The following GIGYF2 variants were observed in gnomAD, a reference collection of about 807,000 sequenced individuals.
GIGYF2 encodes GRB10 interacting GYF protein 2.
Under a neutral mutation model 208.1 loss-of-function variants are expected in GIGYF2, and 25 were observed. The ratio of observed to expected loss-of-function variants is 0.12; its 90% CI spans 0.09 to 0.17. GIGYF2 has a LOEUF of 0.17. GIGYF2 is among the 10% of genes least tolerant of loss of function. The pLI, the probability that GIGYF2 is intolerant of heterozygous loss-of-function variation, is 1.00. For synonymous variants in GIGYF2, 534 were observed against 543.8 expected, an observed-to-expected ratio of 0.98 and a Z score of 0.25; for missense variants, 1,302 against 1,579.4, an observed-to-expected ratio of 0.82 and a Z score of 2.98.
Position 232,815,714 on chromosome 2 carries a change from C to A in GIGYF2, c.2185C>A (p.Leu729Ile). Residue 729 changes from leucine to isoleucine, a missense_variant, in exon 19 of 29, where the codon CTA (leucine) becomes ATA (isoleucine). Physicochemically the swap from Leu to Ile is conservative, Grantham distance 5. Coordinates refer to ENST00000373563, the MANE Select transcript of GIGYF2 (RefSeq NM_001103146.3). ...CCCTGCCCTGGAACAGCTTCAGCAG[C>A]TAGAGAAGGCCAAAGCTGCAAAGGT... ...PGPALEQLQQ[L>I]EKAKAAKLEQ... 6.3e-7 allele frequency: 1 copy of A among 1,597,216 alleles called. No homozygotes were observed. Among genetic ancestry groups the A allele is most frequent in the African/African-American group, 1.3e-5 (1 of 74,670 alleles).
intron 7 of GIGYF2, 144 bp from the exon 8 acceptor site, chr2:232,761,252 C>T (rs578166745): frequency 9.1e-5 from 54 of 594,796 alleles, no homozygotes; most frequent in South Asian, 7.8e-4. Context: ...TCTATATTTT[C>T]GAAATATTAG....
At chr2:232,739,093 T>C (rs1199728158) in intron 3 of GIGYF2, among the ~76,000 whole-genome samples, 1 of 150,230 alleles carries the variant, frequency 6.7e-6, no homozygotes, top group Non-Finnish European at 1.5e-5. Flanking sequence ...GCGTGGTGGC[T>C]CATGCCTGTA....
rs529321468 is a variant in GIGYF2, at chr2:232,762,400, G to A, written c.532+964G>A. 2.6e-5 allele frequency among the ~76,000 whole-genome samples: 4 copies of A among 151,648 alleles called. No individual in the cohort carries two copies. In the East Asian group the frequency reaches 5.9e-4, roughly 22 times the overall value. The stretch of plus-strand genomic sequence containing the variant: ...CCCGAGTAGTTGGGACTACAGGTGC[G>A]TGCCACCACACCTGGCTAATTTTTG... On this transcript the variant is annotated intron_variant, in intron 8 of 28. Coordinates refer to ENST00000373563, the MANE Select transcript of GIGYF2 (RefSeq NM_001103146.3).
intron 28 of GIGYF2, among the ~76,000 whole-genome samples, chr2:232,855,274 G>A (rs767005968): frequency 1.1e-4 from 16 of 152,100 alleles, no homozygotes; most frequent in African/African-American, 3.4e-4. Context: ...TTTGAGTAGC[G>A]ACAGGTTTTT....
At chr2:232,763,359 C>G (rs1698822192) in intron 8 of GIGYF2, among the ~76,000 whole-genome samples, 1 of 152,088 alleles carries the variant, frequency 6.6e-6, no homozygotes, top group Non-Finnish European at 1.5e-5. Flanking sequence ...AGATACATTT[C>G]AAGACCCCCA....
At position 232,847,350 on chromosome 2, in the gene GIGYF2, C is replaced by G. The variant is rs200216092; in HGVS notation, c.3463C>G (p.Pro1155Ala). Residue 1155 changes from proline (P) to alanine (A), a missense_variant and splice_region_variant, in exon 27 of 29, where the codon CCC becomes GCC. Physicochemically the swap from Pro to Ala is conservative, Grantham distance 27 (BLOSUM62 -1). This residue lies in a region of GIGYF2 where 701 missense variants were observed against 793.0 expected (regional missense o/e 0.88). Coordinates refer to ENST00000373563, the MANE Select transcript of GIGYF2 (RefSeq NM_001103146.3). ...TCTTCTCCCCTCCCGTTTTGCAGTT[C>G]CCACATTTGTTTCTTTCCTGAAAGA... The part of the protein sequence containing the change: ...ALNTANNLDV[P>A]TFVSFLKEVE... 1.2e-6 allele frequency: 2 copies of G among 1,610,764 alleles called. No individual in the cohort carries two copies. Among genetic ancestry groups the G allele is most frequent in the Admixed American group, 1.7e-5 (1 of 60,002 alleles).
intron 2 of GIGYF2, among the ~76,000 whole-genome samples, chr2:232,713,919 C>T (rs183004652): frequency 6.6e-6 from 1 of 151,670 alleles, no homozygotes; most frequent in African/African-American, 2.4e-5. Context: ...GTTATTCCCC[C>T]TGGTGCCCTT....
chr2:232,703,384 G>A (rs1203806886), intron 1 of GIGYF2, 40 bp from the exon 2 acceptor site: 1 of 152,578 alleles, frequency 6.6e-6, no homozygotes, highest in Non-Finnish European at 1.5e-5. Flanking sequence ...TTCCTAAGAG[G>A]TTGCTGGGTG....
At chr2:232,727,354 C>T (rs185555385) in intron 2 of GIGYF2, among the ~76,000 whole-genome samples, 3 of 152,298 alleles carry the variant, frequency 2.0e-5, no homozygotes, top group African/African-American at 7.2e-5. Flanking sequence ...AATTGCCTGT[C>T]TCAGAATAAG....
rs758019417 is a variant in GIGYF2, at chr2:232,844,171, C to T, written c.3015C>T (p.Ile1005=). The T allele has an allele frequency of 3.6e-5, 57 of 1,564,548 alleles. No homozygotes were observed. The highest frequency in any genetic ancestry group is 4.5e-5 in the Non-Finnish European group (52 of 1,153,006). Residue 1005 remains isoleucine (I), a synonymous_variant, in exon 24 of 29, where the codon ATC becomes ATT. Transcript: ENST00000373563. ...GTACCACGAAATCTCTTCTGGAGAT[C>T]CAGCAGGAAGAGGCCAGGCAAATGC... The part of the protein sequence containing the change: ...PSGTTKSLLE[I]QQEEARQMQK...
intron 2 of GIGYF2, among the ~76,000 whole-genome samples, chr2:232,723,077 G>T (rs995665183): frequency 6.6e-6 from 1 of 152,050 alleles, no homozygotes; most frequent in African/African-American, 2.4e-5. Flanking sequence ...CTACCTCAGC[G>T]TCAGTGCTGG....
At chr2:232,856,147 A>G (rs567726587) in intron 28 of GIGYF2, among the ~76,000 whole-genome samples, 1 of 151,952 alleles carries the variant, frequency 6.6e-6, no homozygotes, top group African/African-American at 2.4e-5. Context: ...GTTAGCCAGG[A>G]TGGTCTCGAT....
chr2:232,711,733 A>G lies in GIGYF2; in HGVS notation c.-44+8244A>G, dbSNP rs529957103. Among the ~76,000 whole-genome samples, 866 of 145,668 alleles carry G rather than the reference A, an allele frequency of 5.9e-3. 14 individuals are homozygous for G. The highest frequency in any genetic ancestry group is 8.3e-3 in the Non-Finnish European group (549 of 66,118). ...TATATATATATATATATATAGTTGT[A>G]ATAGAATTTCAATAGCTTTTACAGA... On this transcript the variant is annotated intron_variant, in intron 2 of 28. Transcript: ENST00000373563.
intron 7 of GIGYF2, 58 bp from the exon 8 acceptor site, chr2:232,761,338 A>C (rs1559410150): frequency 7.4e-6 from 8 of 1,084,838 alleles, no homozygotes; most frequent in Non-Finnish European, 1.1e-5. Context: ...TGAGTGTCAC[A>C]GATAGGAAAT....
chr2:232,814,683 T>C (rs1700857956), intron 18 of GIGYF2, among the ~76,000 whole-genome samples: 1 of 151,826 alleles, frequency 6.6e-6, no homozygotes, highest in African/African-American at 2.4e-5. Flanking sequence ...TATGCAAATA[T>C]TTCAAAATCT....
intron 3 of GIGYF2, chr2:232,735,896 A>G (rs13013142): frequency 0.36 from 352,215 of 982,052 alleles, 64,516 homozygotes; most frequent in South Asian, 0.62. Flanking sequence ...AGTGGCATCA[A>G]TAATAATAAT....
chr2:232,848,599 C>T (rs1018589329), intron 27 of GIGYF2, among the ~76,000 whole-genome samples: 12 of 152,152 alleles, frequency 7.9e-5, no homozygotes, highest in African/African-American at 2.4e-4. Flanking sequence ...CACCACTGCA[C>T]TCCAGCCTGG....
chr2:232,829,090 C>G (rs1340588508), intron 21 of GIGYF2, among the ~76,000 whole-genome samples: 1 of 152,130 alleles, frequency 6.6e-6, no homozygotes, highest in Non-Finnish European at 1.5e-5. Context: ...GCATTTTCAT[C>G]TTAAGAAAAC....
intron 3 of GIGYF2, among the ~76,000 whole-genome samples, chr2:232,743,952 C>T (rs1698058408): frequency 6.6e-6 from 1 of 152,118 alleles, no homozygotes; most frequent in Admixed American, 6.5e-5. Context: ...CTCAAGCGAT[C>T]TTCCCACCTC....
Sources: allele counts gnomAD v4.1 joint callset (sites outside exome capture counted in the v4.1 genomes callset), GRCh38; gene constraint gnomAD v4.1.1; regional missense constraint gnomAD v4.1.1; transcripts MANE v1.5; gene names NCBI Gene and HGNC (gene_info 2026-07-23, HGNC 2026-07-21).